Variants in SLC44A3 observed in about 807,000 individuals in gnomAD.
SLC44A3 encodes solute carrier family 44 member 3.
In SLC44A3, 74 loss-of-function variants were observed where a neutral mutation model predicts 75.4. That is an observed-to-expected ratio of 0.98 (90% CI 0.81 to 1.19). The LOEUF (loss-of-function observed/expected upper bound fraction) is 1.19, where lower values mean the gene tolerates loss of function less well. Ranked by LOEUF, SLC44A3 falls within the 50% of genes most tolerant of loss-of-function variation. The probability of loss-of-function intolerance (pLI) is 0.00; values close to 1 mark genes in which losing one functional copy is unlikely to be tolerated. For synonymous variants in SLC44A3, 310 were observed against 296.9 expected (o/e 1.04, Z -0.45); for missense variants, 700 against 778.6 (o/e 0.90, Z 1.20).
chr1:94,892,993 C>T (rs1018037604), intron 14 of SLC44A3, among the ~76,000 whole-genome samples: 2 of 152,238 alleles, frequency 1.3e-5, no homozygotes, highest in Non-Finnish European at 2.9e-5. Flanking sequence ...CTGCAATTCT[C>T]AGGCCCTTTA....
chr1:94,845,403 T>C lies in SLC44A3; in HGVS notation c.1011T>C (p.Phe337=). 1 of 1,614,096 alleles carries C rather than the reference T, an allele frequency of 6.2e-7. No homozygotes were observed. Among genetic ancestry groups the C allele is most frequent in the Non-Finnish European group, 8.5e-7 (1 of 1,180,032 alleles). Residue 337 remains phenylalanine (F), a synonymous_variant, in exon 9 of 15, where the codon TTT becomes TTC. Transcript: ENST00000271227. ...PFLLFQPLWT[F]AILIFFWVLW... ...TGCTGTTCCAGCCACTGTGGACATT[T>C]GCCATCCTCATTTTCTTCTGGGTCC...
rs56383271 is a variant in SLC44A3 at position 94,840,283 on chromosome 1, CTTTTTT to C, written c.760+265_760+270del. ...TTCTTTTCTTTTCTTTTTCTTTTTC[CTTTTTT>C]TTTTTTTTTTTTTTTTTTGAGGCAG... On this transcript the variant is annotated intron_variant, in intron 7 of 14. Transcript: ENST00000271227. Among the ~76,000 whole-genome samples, 32 of 77,380 alleles carry C rather than the reference CTTTTTT, an allele frequency of 4.1e-4. No individual in the cohort carries two copies. The East Asian group carries it at 6.7e-3, about 16-fold the overall frequency. The allele number at this position is 77,380 out of a possible 152,430, so 50.8% of individuals were successfully genotyped here.
At chr1:94,876,143 G>C (rs1668259700) in intron 12 of SLC44A3, among the ~76,000 whole-genome samples, 1 of 152,226 alleles carries the variant, frequency 6.6e-6, no homozygotes, top group African/African-American at 2.4e-5. Context: ...TGTGATCACA[G>C]CTAGGCAAGG....
rs188754637 is a variant in SLC44A3 at position 94,835,986 on chromosome 1, G to A, written c.510-1725G>A. 1.1e-3 allele frequency among the ~76,000 whole-genome samples: 165 copies of A among 152,286 alleles called. 1 individual carries two copies. The highest frequency in any genetic ancestry group is 3.8e-3 in the African/African-American group (156 of 41,556). Reference sequence around the variant, plus strand: ...ACACCGTTTGTGTTACTCTTCTCTTGAACCACTATCCAGTGACTCAGGAAC... The same window carrying A: ...ACACCGTTTGTGTTACTCTTCTCTTAAACCACTATCCAGTGACTCAGGAAC... On this transcript the variant is annotated intron_variant, in intron 5 of 14. Coordinates refer to ENST00000271227, the MANE Select transcript of SLC44A3 (RefSeq NM_001114106.3).
At chr1:94,845,175 A>C in intron 8 of SLC44A3, 103 bp from the exon 9 acceptor site, 3 of 1,211,956 alleles carry the variant, frequency 2.5e-6, no homozygotes, top group South Asian at 3.1e-5. Context: ...CTATCTTAAA[A>C]GAGCTGTTTG....
intron 12 of SLC44A3, among the ~76,000 whole-genome samples, chr1:94,875,770 A>G (rs916469565): frequency 2.0e-5 from 3 of 152,200 alleles, no homozygotes; most frequent in African/African-American, 7.2e-5. Flanking sequence ...AGCTAATCCA[A>G]GGAGTTGCCA....
At chr1:94,846,872 G>T (rs1037888706) in intron 9 of SLC44A3, among the ~76,000 whole-genome samples, 16 of 152,228 alleles carry the variant, frequency 1.1e-4, no homozygotes, top group African/African-American at 3.6e-4. Flanking sequence ...AAGAACAGCT[G>T]CCATGTAATA....
At chr1:94,872,068 G>A (rs1414335529) in intron 12 of SLC44A3, among the ~76,000 whole-genome samples, 2 of 152,090 alleles carry the variant, frequency 1.3e-5, no homozygotes, top group African/African-American at 4.8e-5. Context: ...TTGTCTTGAT[G>A]TTTTACTTCT....
At chr1:94,820,517 CG>C in intron 1 of SLC44A3, 39 bp downstream of exon 1, 2 of 1,485,954 alleles carry the variant, frequency 1.3e-6, no homozygotes, top group Non-Finnish European at 1.8e-6. Flanking sequence ...GGAGGAGCCC[CG>C]GGGAAGGGTC....
At chr1:94,884,367 A>G (rs1669333246) in intron 12 of SLC44A3, among the ~76,000 whole-genome samples, 2 of 152,230 alleles carry the variant, frequency 1.3e-5, no homozygotes. Context: ...AACAGGGCTC[A>G]AGATGAAACT....
At chr1:94,891,679 T>C (rs529801721) in intron 13 of SLC44A3, among the ~76,000 whole-genome samples, 1 of 152,348 alleles carries the variant, frequency 6.6e-6, no homozygotes, top group African/African-American at 2.4e-5. Context: ...TCCCAGTATT[T>C]TGGGATACCG....
At chr1:94,877,690 A>T (rs1306207236) in intron 12 of SLC44A3, among the ~76,000 whole-genome samples, 1 of 152,182 alleles carries the variant, frequency 6.6e-6, no homozygotes, top group African/African-American at 2.4e-5. Context: ...AAAAGTTCCC[A>T]AAAGTTTTGG....
chr1:94,857,520 T>G lies in SLC44A3; in HGVS notation c.1238+20T>G. 4 of 1,599,428 alleles carry G rather than the reference T, an allele frequency of 2.5e-6. No homozygotes were observed. Among genetic ancestry groups the G allele is most frequent in the Non-Finnish European group, 2.6e-6 (3 of 1,174,346 alleles). ...CAACAGGTAGGTCCAGTGTTTTTTTTCTATTGGTTTGTCTATGTGGTTTAT... is the reference window on the plus strand; with the variant it reads ...CAACAGGTAGGTCCAGTGTTTTTTTGCTATTGGTTTGTCTATGTGGTTTAT... On this transcript the variant is annotated intron_variant, in intron 10 of 14. Coordinates refer to ENST00000271227, the MANE Select transcript of SLC44A3 (RefSeq NM_001114106.3).
chr1:94,862,396 G>C (rs1331346317), intron 10 of SLC44A3, among the ~76,000 whole-genome samples: 1 of 152,180 alleles, frequency 6.6e-6, no homozygotes, highest in Non-Finnish European at 1.5e-5. Flanking sequence ...ACCATGATGC[G>C]GCTTGCCTGG....
intron 7 of SLC44A3, 126 bp downstream of exon 7, chr1:94,840,163 T>C: frequency 2.6e-6 from 2 of 771,936 alleles, no homozygotes; most frequent in African/African-American, 1.7e-5. Context: ...GCCCTGTCAC[T>C]TTACAAATGA....
chr1:94,874,407 G>T (rs917471637), intron 12 of SLC44A3, among the ~76,000 whole-genome samples: 24 of 152,334 alleles, frequency 1.6e-4, no homozygotes, highest in Non-Finnish European at 2.5e-4. Flanking sequence ...CTCCAAGTGG[G>T]CCTTAGTGCT....
At chr1:94,824,268 G>A (rs956445273) in intron 2 of SLC44A3, among the ~76,000 whole-genome samples, 1 of 152,216 alleles carries the variant, frequency 6.6e-6, no homozygotes, top group Non-Finnish European at 1.5e-5. Context: ...AGAGAAATCT[G>A]TTTCAGTGGA....
intron 9 of SLC44A3, among the ~76,000 whole-genome samples, chr1:94,856,253 C>T (rs1665857820): frequency 6.6e-6 from 1 of 152,140 alleles, no homozygotes; most frequent in African/African-American, 2.4e-5. Flanking sequence ...TTTCCAAGTA[C>T]TCTCACTCCG....
chr1:94,881,714 A>T (rs1435026952), intron 12 of SLC44A3, among the ~76,000 whole-genome samples: 1 of 147,468 alleles, frequency 6.8e-6, no homozygotes, highest in East Asian at 2.1e-4. Context: ...AAAAAAAAAA[A>T]AGAACCAATA....
Sources: allele counts gnomAD v4.1 joint callset (sites outside exome capture counted in the v4.1 genomes callset), GRCh38; gene constraint gnomAD v4.1.1; transcripts MANE v1.5; gene names NCBI Gene and HGNC (gene_info 2026-07-23, HGNC 2026-07-21).